PEX11A: variants seen among roughly 807,000 people sequenced by gnomAD.
PEX11A encodes the protein peroxisomal membrane protein 11A.
PEX11A carries 13 observed loss-of-function variants against 14.4 expected under a neutral mutation model. The observed-to-expected ratio is 0.90, with a 90% confidence interval of 0.59 to 1.43. The LOEUF is 1.43. Ranked by LOEUF, PEX11A falls within the 40% of genes most tolerant of loss-of-function variation. The pLI is 0.00. For missense variants in PEX11A, 290 were observed against 302.8 expected, an observed-to-expected ratio of 0.96 and a Z score of 0.31; for synonymous variants, 101 against 113.0, an observed-to-expected ratio of 0.89 and a Z score of 0.67.
chr15:89,681,594 A>C lies in PEX11A; in HGVS notation c.*1783T>G. 1 of 680,780 alleles carries C rather than the reference A, an allele frequency of 1.5e-6. No individual in the cohort carries two copies. 42.2% of individuals were successfully genotyped at this position (680,780 alleles called of 1,614,324 possible). A position where few individuals can be genotyped will look rare whatever the true frequency, so the allele number is the denominator to read the frequency against. ...ATTACAGTAGAGGATCTGGACAATA[A>C]AAATAGTTATTTAAGCTTTTTATTT... On this transcript the variant is annotated 3_prime_UTR_variant, in exon 3 of 3. Transcript: ENST00000300056.
intron 2 of PEX11A, among the ~76,000 whole-genome samples, chr15:89,685,786 A>G (rs1452438329): frequency 6.6e-6 from 1 of 152,150 alleles, no homozygotes; most frequent in Non-Finnish European, 1.5e-5. Context: ...CAACTGATCA[A>G]TATGTGATGC....
chr15:89,690,283 G>C (rs1361428633), intron 1 of PEX11A, among the ~76,000 whole-genome samples: 1 of 152,238 alleles, frequency 6.6e-6, no homozygotes, highest in African/African-American at 2.4e-5. Flanking sequence ...GTTAGGAGGG[G>C]AGGAGGATCT....
chr15:89,690,701 C>A lies in PEX11A; in HGVS notation c.-69G>T, dbSNP rs574363078. On this transcript the variant is annotated 5_prime_UTR_variant, in exon 1 of 3. Transcript: ENST00000300056. ...GGGTCCTCTGGGGCCCGTCGGATCC[C>A]CAGGGAACGGTCAGTCCCAGGTTAT... 1.7e-6 allele frequency: 2 copies of A among 1,175,610 alleles called. No homozygotes were observed. The highest frequency in any genetic ancestry group is 5.1e-5 in the East Asian group (2 of 38,998). The allele number at this position is 1,175,610 out of a possible 1,614,324, so 72.8% of individuals were successfully genotyped here.
At chr15:89,686,322 C>T (rs747577327) in intron 2 of PEX11A, 109 bp downstream of exon 2, 8 of 627,024 alleles carry the variant, frequency 1.3e-5, no homozygotes, top group Non-Finnish European at 2.3e-5. Flanking sequence ...CACCAATAAA[C>T]TTGATTGACT....
Position 89,683,858 on chromosome 15 carries a change from A to C in PEX11A, c.263T>G (p.Leu88Ter), listed in dbSNP as rs769499273. 1 of 1,613,946 alleles carries C rather than the reference A, an allele frequency of 6.2e-7. No individual in the cohort carries two copies. Among genetic ancestry groups the C allele is most frequent in the South Asian group, 1.1e-5 (1 of 91,086 alleles). ...TDLVPRLCLTLANLNRVIYFI... is the reference protein window; with the variant it reads ...TDLVPRLCLT The stretch of plus-strand genomic sequence containing the variant: ...ATAAATCACACGGTTCAGGTTGGCT[A>C]ATGTTAAGCATAAGCGAGGTACCAG... Residue 88 changes from leucine (L) to a stop codon, truncating the protein, a stop_gained, in exon 3 of 3, where the codon TTA becomes TGA. Transcript: ENST00000300056. LOFTEE classifies it high-confidence loss of function.
intron 2 of PEX11A, among the ~76,000 whole-genome samples, chr15:89,685,569 G>A (rs1964665590): frequency 6.6e-6 from 1 of 151,834 alleles, no homozygotes; most frequent in African/African-American, 2.4e-5. Flanking sequence ...ACTCAGTTCT[G>A]AGCCTTTATT....
chr15:89,683,421 T>C lies in PEX11A; in HGVS notation c.700A>G (p.Met234Val), dbSNP rs1173357618. 4 of 1,613,966 alleles carry C rather than the reference T, an allele frequency of 2.5e-6. No homozygotes were observed. The African/African-American group carries it at 4.0e-5, about 16-fold the overall frequency. ...ATCTGAGGATATGCCACAGTGATCATGCCTGCTATAGAGGACACAAGACCT... is the reference window on the plus strand; with the variant it reads ...ATCTGAGGATATGCCACAGTGATCACGCCTGCTATAGAGGACACAAGACCT... ...LGGLVSSIAG[M>V]ITVAYPQMKL... The change falls in exon 3 of 3, where the codon ATG (methionine) becomes GTG (valine). Residue 234 changes from methionine to valine, a missense_variant. Transcript: ENST00000300056.
At chr15:89,686,019 T>A (rs1052850559) in intron 2 of PEX11A, among the ~76,000 whole-genome samples, 2 of 152,188 alleles carry the variant, frequency 1.3e-5, no homozygotes, top group African/African-American at 4.8e-5. Context: ...CACCTATATA[T>A]CCTCTAGCAC....
chr15:89,687,027 G>A lies in PEX11A; in HGVS notation c.57-481C>T, dbSNP rs777655250. Among the ~76,000 whole-genome samples, 5 of 151,942 alleles carry A rather than the reference G, an allele frequency of 3.3e-5. No homozygotes were observed. The South Asian group carries it at 8.3e-4, about 25-fold the overall frequency. On this transcript the variant is annotated intron_variant, in intron 1 of 2. Coordinates refer to ENST00000300056, the MANE Select transcript of PEX11A (RefSeq NM_003847.3). ...CAACCTCTGCCTCCCTGGTTCAAGC[G>A]ATTCTCCTGTCTCAGCCTCCCGAGT...
chr15:89,685,905 A>T (rs1964669279), intron 2 of PEX11A, among the ~76,000 whole-genome samples: 1 of 152,242 alleles, frequency 6.6e-6, no homozygotes, highest in Non-Finnish European at 1.5e-5. Context: ...TGGATTTCCC[A>T]GTATGACATA....
intron 2 of PEX11A, among the ~76,000 whole-genome samples, chr15:89,685,264 A>G (rs890146993): frequency 1.3e-5 from 2 of 151,946 alleles, no homozygotes; most frequent in African/African-American, 4.8e-5. Context: ...ATAACATAAA[A>G]TAGTAAAATA....
chr15:89,682,571 G>C lies in PEX11A; in HGVS notation c.*806C>G, dbSNP rs1269801774. On this transcript the variant is annotated 3_prime_UTR_variant, in exon 3 of 3. Coordinates refer to ENST00000300056, the MANE Select transcript of PEX11A (RefSeq NM_003847.3). ...GAGGCAAAAAACAGGATTCAGGAGGGGATCACATTTCTACTCAATTCTGAA... is the reference window on the plus strand; with the variant it reads ...GAGGCAAAAAACAGGATTCAGGAGGCGATCACATTTCTACTCAATTCTGAA... 2 of 152,156 alleles carry C rather than the reference G, an allele frequency of 1.3e-5. No homozygotes were observed. Among genetic ancestry groups the C allele is most frequent in the East Asian group, 3.9e-4 (2 of 5,194 alleles). The allele number at this position is 152,156 out of a possible 1,614,324, so 9.4% of individuals were successfully genotyped here. A position where few individuals can be genotyped will look rare whatever the true frequency, so the allele number is the denominator to read the frequency against.
Position 89,683,444 on chromosome 15 carries a change from C to T in PEX11A, c.677G>A (p.Gly226Asp). 1 of 1,614,092 alleles carries T rather than the reference C, an allele frequency of 6.2e-7. No homozygotes were observed. The highest frequency in any genetic ancestry group is 8.5e-7 in the Non-Finnish European group (1 of 1,179,946). ...KSNPGIIGLGGLVSSIAGMIT... is the reference protein window; with the variant it reads ...KSNPGIIGLGDLVSSIAGMIT... Reference sequence around the variant, plus strand: ...CATGCCTGCTATAGAGGACACAAGACCTCCAAGTCCAATGATGCCAGGATT... The same window carrying T: ...CATGCCTGCTATAGAGGACACAAGATCTCCAAGTCCAATGATGCCAGGATT... The change falls in exon 3 of 3, where the codon GGT (glycine) becomes GAT (aspartate). Residue 226 changes from glycine to aspartate, a missense_variant. Gly to Asp is a moderately conservative substitution (Grantham distance 94). Coordinates refer to ENST00000300056, the MANE Select transcript of PEX11A (RefSeq NM_003847.3).
chr15:89,690,431 T>C (rs1330456772), intron 1 of PEX11A, 146 bp downstream of exon 1: 1 of 616,552 alleles, frequency 1.6e-6, no homozygotes, highest in East Asian at 2.9e-5. Flanking sequence ...GGGGCTCGGA[T>C]ACTAAACTCC....
At chr15:89,689,241 T>C (rs1325708071) in intron 1 of PEX11A, among the ~76,000 whole-genome samples, 1 of 151,956 alleles carries the variant, frequency 6.6e-6, no homozygotes, top group African/African-American at 2.4e-5. Flanking sequence ...TCTGCCATTG[T>C]AGTACCTATT....
chr15:89,681,766 G>A lies in PEX11A; in HGVS notation c.*1611C>T, dbSNP rs931424747. 7 of 461,400 alleles carry A rather than the reference G, an allele frequency of 1.5e-5. No homozygotes were observed. Among genetic ancestry groups the A allele is most frequent in the East Asian group, 6.8e-5 (2 of 29,392 alleles). 28.6% of individuals were successfully genotyped at this position (461,400 alleles called of 1,614,324 possible). ...ACATTTCTGGGAAATGTGACTTATT[G>A]AGTACATATTTATTTTCTCATTTCC... On this transcript the variant is annotated 3_prime_UTR_variant, in exon 3 of 3. Transcript: ENST00000300056.
At position 89,690,618 on chromosome 15, in the gene PEX11A, G is replaced by A; in HGVS notation, c.15C>T (p.Thr5=). ...GGCCCTGGGTCTGGTTGGTGAAGCG[G>A]GTGAAGGCGTCCATGGCTTCTAGCC... The part of the protein sequence containing the change: MDAF[T]RFTNQTQGRD... Residue 5 remains threonine (T), a synonymous_variant, in exon 1 of 3, where the codon ACC becomes ACT. Transcript: ENST00000300056. The A allele has an allele frequency of 6.4e-7, 1 of 1,551,402 alleles. No individual in the cohort carries two copies. Among genetic ancestry groups the A allele is most frequent in the Non-Finnish European group, 8.7e-7 (1 of 1,146,894 alleles).
intron 1 of PEX11A, chr15:89,687,816 G>T: frequency 3.3e-6 from 1 of 301,942 alleles, no homozygotes; most frequent in Non-Finnish European, 6.3e-6. Flanking sequence ...GCCTTTCTGA[G>T]CTTTGGTCTA....
At chr15:89,687,863 T>TA (rs1244615969) in intron 1 of PEX11A, 10 of 407,756 alleles carry the variant, frequency 2.5e-5, no homozygotes, top group Non-Finnish European at 4.2e-5. Flanking sequence ...ACATTACTTT[T>TA]ATTTATTTAT....
Sources: allele counts gnomAD v4.1 joint callset (sites outside exome capture counted in the v4.1 genomes callset), GRCh38; gene constraint gnomAD v4.1.1; transcripts MANE v1.5; gene names NCBI Gene and HGNC (gene_info 2026-07-23, HGNC 2026-07-21).